TFEB: variants seen among roughly 807,000 people sequenced by gnomAD.
TFEB encodes the protein transcription factor EB.
A neutral mutation model predicts 48.0 loss-of-function variants in TFEB; 12 were observed. The observed-to-expected ratio is 0.25, with a 90% CI of 0.16 to 0.40. TFEB has a LOEUF of 0.40. TFEB is among the 10% of genes least tolerant of loss of function. The probability of loss-of-function intolerance (pLI) is 1.00; values close to 1 mark genes in which losing one functional copy is unlikely to be tolerated. For synonymous variants in TFEB, 244 were observed against 261.4 expected, an observed-to-expected ratio of 0.93 and a Z score of 0.64; for missense variants, 509 against 640.3, an observed-to-expected ratio of 0.79 and a Z score of 2.21.
Position 41,691,859 on chromosome 6 carries a change from C to T in TFEB, c.-22-624G>A, listed in dbSNP as rs1561852948. On this transcript the variant is annotated intron_variant, in intron 1 of 8. Transcript: ENST00000373033. The surrounding 1 kb of genome is among the most constrained non-coding windows in gnomAD (Gnocchi z 5.2). ...CCTCGTGTTCCCCTTTGACCCCATC[C>T]GCCAGCTCTCCCTCTTGTTTTATCT... 6.6e-6 allele frequency among the ~76,000 whole-genome samples: 1 copy of T among 152,140 alleles called. No homozygotes were observed. Among genetic ancestry groups the T allele is most frequent in the African/African-American group, 2.4e-5 (1 of 41,418 alleles).
chr6:41,717,498 C>T (rs1770788510), intron 1 of TFEB, among the ~76,000 whole-genome samples: 1 of 152,206 alleles, frequency 6.6e-6, no homozygotes, highest in African/African-American at 2.4e-5. Context: ...TTTCATTACA[C>T]AACTGAGGAG....
chr6:41,704,835 C>G (rs1033462664), intron 1 of TFEB, among the ~76,000 whole-genome samples: 1 of 152,206 alleles, frequency 6.6e-6, no homozygotes, highest in Non-Finnish European at 1.5e-5. Flanking sequence ...AATTAAGCAG[C>G]CTGATTCTCA....
Position 41,723,552 on chromosome 6 carries a change from G to T in TFEB, c.-23+11798C>A. On this transcript the variant is annotated intron_variant, in intron 1 of 8. Coordinates refer to ENST00000373033, the MANE Select transcript of TFEB (RefSeq NM_001271944.2). The surrounding 1 kb of genome is among the most constrained non-coding windows in gnomAD (Gnocchi z 6.0). Reference sequence around the variant, plus strand: ...AGGGCCGCACCCCAGCCCCAGGGCCGGGCTCAGTTTCCTCATTTCCCCGGC... The same window carrying T: ...AGGGCCGCACCCCAGCCCCAGGGCCTGGCTCAGTTTCCTCATTTCCCCGGC... The T allele has an allele frequency of 7.9e-7, 1 of 1,268,716 alleles. No homozygotes were observed. Among genetic ancestry groups the T allele is most frequent in the African/African-American group, 1.5e-5 (1 of 64,586 alleles). The allele number at this position is 1,268,716 out of a possible 1,614,324, so 78.6% of individuals were successfully genotyped here.
At chr6:41,713,436 C>T (rs944141563) in intron 1 of TFEB, among the ~76,000 whole-genome samples, 2 of 152,176 alleles carry the variant, frequency 1.3e-5, no homozygotes, top group African/African-American at 4.8e-5. Flanking sequence ...GTGCAGGGAC[C>T]GTCTGGCCGC....
chr6:41,701,249 G>A (rs919435393), intron 1 of TFEB, among the ~76,000 whole-genome samples: 8 of 152,176 alleles, frequency 5.3e-5, no homozygotes, highest in Non-Finnish European at 7.3e-5. Flanking sequence ...CTCCTGGGTT[G>A]GGGAGTGGTG....
At chr6:41,689,667 A>G in intron 4 of TFEB, 64 bp downstream of exon 4, 2 of 1,332,158 alleles carry the variant, frequency 1.5e-6, no homozygotes, top group South Asian at 1.2e-5. Context: ...CCAGGCTCAG[A>G]GCCACAGTGG....
intron 1 of TFEB, among the ~76,000 whole-genome samples, chr6:41,706,733 C>T (rs1258765258): frequency 1.3e-5 from 2 of 151,804 alleles, no homozygotes; most frequent in Non-Finnish European, 2.9e-5. Flanking sequence ...GGAGAAATGG[C>T]CTCCTATGGC....
chr6:41,695,186 C>T (rs985788950), intron 1 of TFEB, among the ~76,000 whole-genome samples: 22 of 152,320 alleles, frequency 1.4e-4, no homozygotes, highest in African/African-American at 5.1e-4. Flanking sequence ...CAGCACCTGC[C>T]TTTTGGGGCC....
chr6:41,732,685 A>G, intron 1 of TFEB: 1 of 984,644 alleles, frequency 1.0e-6, no homozygotes, highest in Non-Finnish European at 1.2e-6. Flanking sequence ...AGTCCTCACA[A>G]CAGCCTGTGA....
rs1464709269 is a variant in TFEB, at chr6:41,684,920, C to T, written c.1110G>A (p.Glu370=). The change falls in exon 9 of 9, where the codon GAG becomes GAA. Residue 370 remains glutamate, a synonymous_variant. Transcript: ENST00000373033. Reference sequence around the variant, plus strand: ...CTTGCGGGGGCAGAGCTGGCAGTGGCTCAGGGTCAGGGACCTCAGCCCCCA... The same window carrying T: ...CTTGCGGGGGCAGAGCTGGCAGTGGTTCAGGGTCAGGGACCTCAGCCCCCA... ...LMLGAEVPDP[E]PLPALPPQAP... The T allele has an allele frequency of 1.3e-6, 2 of 1,581,204 alleles. No homozygotes were observed. Among genetic ancestry groups the T allele is most frequent in the African/African-American group, 1.3e-5 (1 of 74,190 alleles).
chr6:41,687,312 A>G lies in TFEB; in HGVS notation c.728-143T>C, dbSNP rs1465857062. Reference sequence around the variant, plus strand: ...TCTTCCAGGAAGTAAGAGGTGACCAACAGATTGGGATTTCTACAGGAATTA... The same window carrying G: ...TCTTCCAGGAAGTAAGAGGTGACCAGCAGATTGGGATTTCTACAGGAATTA... On this transcript the variant is annotated intron_variant, in intron 6 of 8. Transcript: ENST00000373033. 3 of 734,938 alleles carry G rather than the reference A, an allele frequency of 4.1e-6. No homozygotes were observed. In the African/African-American group the frequency reaches 5.2e-5, roughly 13 times the overall value. The allele number at this position is 734,938 out of a possible 1,614,324, so 45.5% of individuals were successfully genotyped here. A position where few individuals can be genotyped will look rare whatever the true frequency, so the allele number is the denominator to read the frequency against.
At chr6:41,715,057 G>A (rs1770674744) in intron 1 of TFEB, among the ~76,000 whole-genome samples, 1 of 152,194 alleles carries the variant, frequency 6.6e-6, no homozygotes, top group African/African-American at 2.4e-5. Flanking sequence ...AGTGTGAGGA[G>A]CAGGAGAGCA....
At chr6:41,687,609 A>G in intron 6 of TFEB, 144 bp downstream of exon 6, 1 of 992,616 alleles carries the variant, frequency 1.0e-6, no homozygotes, top group Non-Finnish European at 1.6e-6. Flanking sequence ...GAGCGACAGC[A>G]ATGGGAGGGC....
chr6:41,721,260 G>T (rs945918126), intron 1 of TFEB, among the ~76,000 whole-genome samples: 2 of 152,104 alleles, frequency 1.3e-5, no homozygotes, highest in Non-Finnish European at 2.9e-5. Context: ...CTTATATTCA[G>T]TAGGTGCTCT....
chr6:41,685,026 C>A lies in TFEB; in HGVS notation c.1004G>T (p.Gly335Val). ...VHGLPTTSPS[G>V]MNMAELAQQV... ...CTGGGCCAGCTCAGCCATGTTCATG[C>A]CGGACGGGGAGGTGGTAGGGAGGCC... Residue 335 changes from glycine (G) to valine (V), a missense_variant, in exon 9 of 9, where the codon GGC (glycine) becomes GTC (valine). Coordinates refer to ENST00000373033, the MANE Select transcript of TFEB (RefSeq NM_001271944.2). 1 of 1,498,698 alleles carries A rather than the reference C, an allele frequency of 6.7e-7. No homozygotes were observed. Among genetic ancestry groups the A allele is most frequent in the Non-Finnish European group, 8.9e-7 (1 of 1,124,850 alleles). 92.8% of individuals were successfully genotyped at this position (1,498,698 alleles called of 1,614,324 possible). A position where few individuals can be genotyped will look rare whatever the true frequency, so the allele number is the denominator to read the frequency against.
intron 1 of TFEB, among the ~76,000 whole-genome samples, chr6:41,712,358 C>T (rs1226103961): frequency 1.3e-5 from 2 of 152,156 alleles, no homozygotes; most frequent in African/African-American, 4.8e-5. Flanking sequence ...GGGCACCGTG[C>T]CTTTTCCTGA....
At chr6:41,688,685 G>A (rs962312807) in intron 4 of TFEB, among the ~76,000 whole-genome samples, 2 of 152,160 alleles carry the variant, frequency 1.3e-5, no homozygotes, top group Non-Finnish European at 2.9e-5. Context: ...AGTGTACACA[G>A]GAACTACTAA....
chr6:41,725,027 C>T (rs565428882), intron 1 of TFEB, among the ~76,000 whole-genome samples: 1 of 152,370 alleles, frequency 6.6e-6, no homozygotes, highest in East Asian at 1.9e-4. Flanking sequence ...TCTCCCCCAT[C>T]CTGACAAGAG....
intron 1 of TFEB, among the ~76,000 whole-genome samples, chr6:41,697,427 A>AAAAAAAAAAAAAAAAAAG (rs1769655029): frequency 1.2e-4 from 18 of 145,268 alleles, no homozygotes; most frequent in African/African-American, 4.7e-4. Flanking sequence ...AAAAAAAAAA[A>AAAAAAAAAAAAAAAAAAG]GAATGAGGGC....
Sources: allele counts gnomAD v4.1 joint callset (sites outside exome capture counted in the v4.1 genomes callset), GRCh38; gene constraint gnomAD v4.1.1; non-coding constraint Gnocchi (gnomAD v3.1); transcripts MANE v1.5; gene names NCBI Gene and HGNC (gene_info 2026-07-23, HGNC 2026-07-21).